The following SERPINA10 variants were observed in gnomAD, a reference collection of about 807,000 sequenced individuals.
SERPINA10 encodes the protein serpin family A member 10, also known as protein Z-dependent protease inhibitor.
A neutral mutation model predicts 28.0 loss-of-function variants in SERPINA10; 24 were observed. The observed-to-expected ratio is 0.86, with a 90% confidence interval of 0.62 to 1.20. The LOEUF is 1.20. Ranked by LOEUF, SERPINA10 falls within the 50% of genes most tolerant of loss-of-function variation. SERPINA10 has a pLI of 0.00. For synonymous variants in SERPINA10, 207 were observed against 203.9 expected (o/e 1.02, Z -0.13); for missense variants, 521 against 537.7 (o/e 0.97, Z 0.31).
intron 3 of SERPINA10, among the ~76,000 whole-genome samples, chr14:94,287,262 T>C (rs1007025896): frequency 1.3e-5 from 2 of 152,196 alleles, no homozygotes; most frequent in African/African-American, 4.8e-5. Context: ...ATATTTCTGA[T>C]CCAAGTGTTT....
intron 1 of SERPINA10, among the ~76,000 whole-genome samples, chr14:94,291,163 G>T (rs1207350654): frequency 6.6e-6 from 1 of 152,210 alleles, no homozygotes; most frequent in Non-Finnish European, 1.5e-5. Context: ...AGCTTTCCTG[G>T]ATTTTTTATC....
rs530041127 is a variant in SERPINA10 at position 94,287,898 on chromosome 14, CTCCA to C, written c.992+384_992+387del. ...CCTTCTTGGAGAGGCCTTGTCTAAC[CTCCA>C]TCTGCATCCTGATGATGCTTCTTGT... On this transcript the variant is annotated intron_variant, in intron 3 of 4. Coordinates refer to ENST00000261994, the MANE Select transcript of SERPINA10 (RefSeq NM_001100607.3). Among the ~76,000 whole-genome samples the C allele has an allele frequency of 1.6e-4, 25 of 152,344 alleles. No individual in the cohort carries two copies. In the South Asian group the frequency reaches 4.6e-3, roughly 28 times the overall value.
Position 94,282,855 on chromosome 14 carries a change from C to T in SERPINA10, c.*1110G>A, listed in dbSNP as rs773013999. On this transcript the variant is annotated 3_prime_UTR_variant, in exon 5 of 5. Transcript: ENST00000261994. ...GGAAGGAGGAGTCTACAAGGTTAAA[C>T]GTGCCTAGGGCCCATGAAAGTAAGA... The T allele has an allele frequency of 9.9e-5, 15 of 152,138 alleles. No homozygotes were observed. The highest frequency in any genetic ancestry group is 3.9e-4 in the Admixed American group (6 of 15,268). The allele number at this position is 152,138 out of a possible 1,614,324, so 9.4% of individuals were successfully genotyped here.
Position 94,288,377 on chromosome 14 carries a change from C to A in SERPINA10, c.901G>T (p.Val301Phe), listed in dbSNP as rs1341691576. Residue 301 changes from valine (V) to phenylalanine (F), a missense_variant, in exon 3 of 5, where the codon GTC (valine) becomes TTC (phenylalanine). Transcript: ENST00000261994. ...PYQGNATMLVVLMEKMGDHLA... is the reference protein window; with the variant it reads ...PYQGNATMLVFLMEKMGDHLA... The stretch of plus-strand genomic sequence containing the variant: ...TGGTCACCCATTTTCTCCATGAGGA[C>A]CACCAGCATGGTGGCATTTCCTTGG... The A allele has an allele frequency of 6.2e-7, 1 of 1,614,136 alleles. No individual in the cohort carries two copies. Among genetic ancestry groups the A allele is most frequent in the East Asian group, 2.2e-5 (1 of 44,876 alleles).
At chr14:94,289,697 A>G (rs1422342906) in intron 2 of SERPINA10, among the ~76,000 whole-genome samples, 179 bp downstream of exon 2, 1 of 152,212 alleles carries the variant, frequency 6.6e-6, no homozygotes, top group Non-Finnish European at 1.5e-5. Context: ...ATACCAGGGA[A>G]GGGCCTCAAA....
chr14:94,284,075 A>C lies in SERPINA10; in HGVS notation c.1225T>G (p.Ser409Ala). 2 of 1,614,218 alleles carry C rather than the reference A, an allele frequency of 1.2e-6. No individual in the cohort carries two copies. Among genetic ancestry groups the C allele is most frequent in the Non-Finnish European group, 1.7e-6 (2 of 1,180,014 alleles). ...TCCACTTTGATGACAGGAGGCATGG[A>C]ATAAGCAGTAATTTCTGACAAGATT... ...AGILSEITAY[S>A]MPPVIKVDRP... is the part of the protein sequence containing the mutation. The change falls in exon 5 of 5, where the codon TCC becomes GCC. Residue 409 changes from serine (S) to alanine (A), a missense_variant. Transcript: ENST00000261994.
rs777773976 is a variant in SERPINA10, at chr14:94,290,609, G to T, written c.-16C>A. On this transcript the variant is annotated 5_prime_UTR_variant, in exon 2 of 5. Coordinates refer to ENST00000261994, the MANE Select transcript of SERPINA10 (RefSeq NM_001100607.3). ...CCACCTTCATGTGATCGGCTGCGGA[G>T]GCCAAGGAGTGCCTCCCTTCAGCTG... The T allele has an allele frequency of 6.2e-7, 1 of 1,612,402 alleles. No homozygotes were observed. The highest frequency in any genetic ancestry group is 8.5e-7 in the Non-Finnish European group (1 of 1,179,668).
intron 3 of SERPINA10, among the ~76,000 whole-genome samples, chr14:94,288,074 A>G (rs1895067580): frequency 6.6e-6 from 1 of 152,218 alleles, no homozygotes; most frequent in South Asian, 2.1e-4. Flanking sequence ...GCAGAACGTA[A>G]AATACTGATG....
rs1566714955 is a variant in SERPINA10 at position 94,280,536 on chromosome 14, G to T, written c.*3429C>A. On this transcript the variant is annotated 3_prime_UTR_variant, in exon 5 of 5. Transcript: ENST00000261994. ...GAAACAGGATAAACAGCAAATTACT[G>T]ACAGTTATGAATAACTACATGTATC... The T allele has an allele frequency of 6.6e-6, 1 of 152,132 alleles. No homozygotes were observed. Among genetic ancestry groups the T allele is most frequent in the South Asian group, 2.1e-4 (1 of 4,822 alleles). 9.4% of individuals were successfully genotyped at this position (152,132 alleles called of 1,614,324 possible). A position where few individuals can be genotyped will look rare whatever the true frequency, so the allele number is the denominator to read the frequency against.
In SERPINA10 at chr14:94,283,574, A is replaced by G. The variant is rs868668257; in HGVS notation, c.*391T>C. 3.5e-6 allele frequency: 1 copy of G among 284,246 alleles called. No homozygotes were observed. Among genetic ancestry groups the G allele is most frequent in the East Asian group, 9.4e-5 (1 of 10,660 alleles). The allele number at this position is 284,246 out of a possible 1,614,324, so 17.6% of individuals were successfully genotyped here. ...TCCACACTGTCTATGCTCCTCGCCC[A>G]TGAGTCACTTAGTAGCCTTCTCTAT... On this transcript the variant is annotated 3_prime_UTR_variant, in exon 5 of 5. Coordinates refer to ENST00000261994, the MANE Select transcript of SERPINA10 (RefSeq NM_001100607.3).
At position 94,283,763 on chromosome 14, in the gene SERPINA10, A is replaced by G; in HGVS notation, c.*202T>C. ...ATATATATAAGGTTCAGCACTGTCC[A>G]CCGTTTCAGGCATCTGCTGGGGGTC... On this transcript the variant is annotated 3_prime_UTR_variant, in exon 5 of 5. Coordinates refer to ENST00000261994, the MANE Select transcript of SERPINA10 (RefSeq NM_001100607.3). 1.6e-6 allele frequency: 1 copy of G among 614,778 alleles called. No individual in the cohort carries two copies. The highest frequency in any genetic ancestry group is 2.9e-6 in the Non-Finnish European group (1 of 347,670). The allele number at this position is 614,778 out of a possible 1,614,324, so 38.1% of individuals were successfully genotyped here.
At chr14:94,285,497 ATG>A (rs553666924) in intron 4 of SERPINA10, among the ~76,000 whole-genome samples, 21 of 150,440 alleles carry the variant, frequency 1.4e-4, no homozygotes, top group African/African-American at 4.1e-4. Flanking sequence ...ATATATATAT[ATG>A]TGTGTGTATA....
intron 1 of SERPINA10, among the ~76,000 whole-genome samples, chr14:94,292,324 G>A (rs950370570): frequency 6.6e-6 from 1 of 152,102 alleles, no homozygotes; most frequent in Non-Finnish European, 1.5e-5. Flanking sequence ...CCATCTGCAA[G>A]CCAAGAAGAC....
At chr14:94,286,481 T>G (rs1895027837) in intron 3 of SERPINA10, among the ~76,000 whole-genome samples, 1 of 152,260 alleles carries the variant, frequency 6.6e-6, no homozygotes, top group Non-Finnish European at 1.5e-5. Flanking sequence ...CCTCAGCCAG[T>G]GACTCACGTT....
At chr14:94,288,139 G>T in intron 3 of SERPINA10, 147 bp downstream of exon 3, 2 of 1,092,622 alleles carry the variant, frequency 1.8e-6, no homozygotes, top group Non-Finnish European at 2.7e-6. Context: ...GGATAGAGTG[G>T]AAAAAAAGAC....
At position 94,281,883 on chromosome 14, in the gene SERPINA10, T is replaced by C. The variant is rs964079962; in HGVS notation, c.*2082A>G. 1.3e-5 allele frequency: 2 copies of C among 152,506 alleles called. No homozygotes were observed. The highest frequency in any genetic ancestry group is 6.5e-5 in the Admixed American group (1 of 15,280). 9.4% of individuals were successfully genotyped at this position (152,506 alleles called of 1,614,324 possible). A position where few individuals can be genotyped will look rare whatever the true frequency, so the allele number is the denominator to read the frequency against. On this transcript the variant is annotated 3_prime_UTR_variant, in exon 5 of 5. Transcript: ENST00000261994. ...TGAGTATTGTGCTCTCACAGACTTA[T>C]TTTTCCAGATTTCATCTCTTAAAAG...
In SERPINA10 at chr14:94,283,973, G is replaced by C. The variant is rs1424048020; in HGVS notation, c.1327C>G (p.Leu443Val). ...LFLGRVVNPTLL is the reference protein window; with the variant it reads ...LFLGRVVNPTVL ...CTTATGCGTGTCCTGAATTATAGGA[G>C]AGTCGGATTCACCACCCTGCCCAGA... Residue 443 changes from leucine (L) to valine (V), a missense_variant, in exon 5 of 5, where the codon CTC (leucine) becomes GTC (valine). Coordinates refer to ENST00000261994, the MANE Select transcript of SERPINA10 (RefSeq NM_001100607.3). 1 of 1,614,010 alleles carries C rather than the reference G, an allele frequency of 6.2e-7. No homozygotes were observed. The highest frequency in any genetic ancestry group is 1.7e-5 in the Admixed American group (1 of 60,016).
intron 4 of SERPINA10, among the ~76,000 whole-genome samples, chr14:94,285,422 T>A (rs1894993666): frequency 6.6e-6 from 1 of 151,902 alleles, no homozygotes; most frequent in South Asian, 2.1e-4. Context: ...CCAAAAAGTA[T>A]GAATCAGAAG....
At chr14:94,286,316 CA>C in intron 3 of SERPINA10, 58 bp from the exon 4 acceptor site, 3 of 1,589,642 alleles carry the variant, frequency 1.9e-6, no homozygotes, top group South Asian at 1.1e-5. Context: ...CTGTGGACAC[CA>C]AAAAGGTCAC....
Sources: allele counts gnomAD v4.1 joint callset (sites outside exome capture counted in the v4.1 genomes callset), GRCh38; gene constraint gnomAD v4.1.1; transcripts MANE v1.5; gene names NCBI Gene and HGNC (gene_info 2026-07-23, HGNC 2026-07-21).